Variants in CSMD3 observed in about 807,000 individuals in gnomAD.
CSMD3 encodes CUB and Sushi multiple domains 3, also known as CUB and sushi domain-containing protein 3.
A neutral mutation model predicts 435.2 loss-of-function variants in CSMD3; 177 were observed. The ratio of observed to expected loss-of-function variants is 0.41; its 90% CI spans 0.36 to 0.46. The LOEUF (loss-of-function observed/expected upper bound fraction) is 0.46, where lower values mean the gene tolerates loss of function less well. Ranked by LOEUF, CSMD3 falls within the 20% of genes least tolerant of loss-of-function variation. The pLI, the probability that CSMD3 is intolerant of heterozygous loss-of-function variation, is 0.34. For synonymous variants in CSMD3, 1,656 were observed against 1,520.5 expected (o/e 1.09, Z -2.07); for missense variants, 4,265 against 4,504.6 (o/e 0.95, Z 1.52).
intron 37 of CSMD3, among the ~76,000 whole-genome samples, chr8:112,380,748 A>G (rs1411032380): frequency 6.6e-6 from 1 of 152,212 alleles, no homozygotes; most frequent in Non-Finnish European, 1.5e-5. Flanking sequence ...TTCACCAAAA[A>G]TAAATGTTGA....
intron 13 of CSMD3, among the ~76,000 whole-genome samples, chr8:112,709,022 T>G (rs1355006998): frequency 6.6e-6 from 1 of 152,088 alleles, no homozygotes; most frequent in African/African-American, 2.4e-5. Context: ...CAAAGACAAG[T>G]GATGGTGGCT....
In CSMD3 at chr8:113,073,041, A is replaced by AC. The variant is rs397756773; in HGVS notation, c.917+25714_917+25715insG. Among the ~76,000 whole-genome samples the AC allele has an allele frequency of 1.8e-3, 280 of 151,612 alleles. 1 individual carries two copies. Among genetic ancestry groups the AC allele is most frequent in the African/African-American group, 6.4e-3 (264 of 41,392 alleles). ...AGGAAAAAAACCTTCAGAAAAAAAA[A>AC]TGCATTACTAAATATATCAAATTCA... On this transcript the variant is annotated intron_variant, in intron 5 of 70. Transcript: ENST00000297405.
intron 1 of CSMD3, among the ~76,000 whole-genome samples, chr8:113,416,356 A>G (rs74491515): frequency 0.018 from 2,752 of 152,232 alleles, 95 homozygotes; most frequent in African/African-American, 0.061. Flanking sequence ...CTTGCTTGCC[A>G]ATAACATTAC....
intron 53 of CSMD3, among the ~76,000 whole-genome samples, chr8:112,300,755 ATG>A (rs1489025365): frequency 1.3e-5 from 2 of 152,176 alleles, no homozygotes; most frequent in African/African-American, 4.8e-5. Flanking sequence ...CTATTAACAA[ATG>A]TGCCTGAGAA....
At position 113,102,797 on chromosome 8, in the gene CSMD3, T is replaced by C. The variant is rs924845250; in HGVS notation, c.710-3834A>G. Among the ~76,000 whole-genome samples, 4 of 152,252 alleles carry C rather than the reference T, an allele frequency of 2.6e-5. No homozygotes were observed. The South Asian group carries it at 8.3e-4, about 32-fold the overall frequency. ...TACCAAATCCAATTGGAAGGGCAACTAAGGGTCAGACCTTGCAGGACATTT... is the reference window on the plus strand; with the variant it reads ...TACCAAATCCAATTGGAAGGGCAACCAAGGGTCAGACCTTGCAGGACATTT... On this transcript the variant is annotated intron_variant, in intron 4 of 70. Transcript: ENST00000297405.
chr8:113,104,347 G>A (rs1335053003), intron 4 of CSMD3, among the ~76,000 whole-genome samples: 1 of 152,050 alleles, frequency 6.6e-6, no homozygotes. Context: ...TGACATCTAT[G>A]TGAGGCTTTT....
intron 1 of CSMD3, among the ~76,000 whole-genome samples, chr8:113,340,092 ATG>A (rs2094107876): frequency 6.6e-6 from 1 of 151,948 alleles, no homozygotes; most frequent in African/African-American, 2.4e-5. Context: ...TATATGTGTT[ATG>A]TGTTTGTTCC....
At chr8:112,955,003 G>C (rs559928493) in intron 7 of CSMD3, among the ~76,000 whole-genome samples, 1 of 151,370 alleles carries the variant, frequency 6.6e-6, no homozygotes, top group African/African-American at 2.4e-5. Context: ...AGTTTTTTAA[G>C]CTGTGCTTTT....
At chr8:113,200,893 C>A (rs984540926) in intron 3 of CSMD3, among the ~76,000 whole-genome samples, 3 of 151,686 alleles carry the variant, frequency 2.0e-5, no homozygotes, top group African/African-American at 7.3e-5. Context: ...ACTATTTGTT[C>A]ATTAATGGTT....
intron 17 of CSMD3, among the ~76,000 whole-genome samples, chr8:112,662,790 T>G (rs908261359): frequency 1.3e-5 from 2 of 152,160 alleles, no homozygotes; most frequent in African/African-American, 4.8e-5. Context: ...AAAGGGTTAA[T>G]ATCCAGAATC....
intron 6 of CSMD3, among the ~76,000 whole-genome samples, chr8:113,003,627 G>A (rs182753331): frequency 6.6e-6 from 1 of 152,154 alleles, no homozygotes; most frequent in Admixed American, 6.6e-5. Context: ...TTTTGAGGGA[G>A]GCAGAGGAAC....
At chr8:112,945,581 C>T (rs950987069) in intron 9 of CSMD3, among the ~76,000 whole-genome samples, 1 of 124,444 alleles carries the variant, frequency 8.0e-6, no homozygotes, top group Non-Finnish European at 1.7e-5. Flanking sequence ...TAAGAGAATA[C>T]AGAAATATGT....
chr8:112,537,054 G>T (rs545079626), intron 27 of CSMD3, among the ~76,000 whole-genome samples: 1 of 151,990 alleles, frequency 6.6e-6, no homozygotes, highest in East Asian at 1.9e-4. Flanking sequence ...AGCATTAGGA[G>T]ATATACCTAA....
chr8:112,542,119 C>T (rs1448277298), intron 27 of CSMD3, among the ~76,000 whole-genome samples: 1 of 150,436 alleles, frequency 6.6e-6, no homozygotes, highest in Non-Finnish European at 1.5e-5. Flanking sequence ...AAAAAAAATC[C>T]TCAATATATT....
At chr8:112,346,364 A>G (rs1365658902) in intron 40 of CSMD3, 151 bp from the exon 41 acceptor site, 3 of 663,746 alleles carry the variant, frequency 4.5e-6, no homozygotes, top group Non-Finnish European at 8.2e-6. Flanking sequence ...TACACTAGGA[A>G]TTAAATATAA....
chr8:113,326,531 T>A (rs959298980), intron 1 of CSMD3, among the ~76,000 whole-genome samples: 1 of 152,040 alleles, frequency 6.6e-6, no homozygotes, highest in Non-Finnish European at 1.5e-5. Flanking sequence ...GAACATATAT[T>A]ATTTTATTAA....
chr8:113,076,578 G>A (rs1208858050), intron 5 of CSMD3, among the ~76,000 whole-genome samples: 1 of 151,972 alleles, frequency 6.6e-6, no homozygotes, highest in African/African-American at 2.4e-5. Context: ...AGATTACCCA[G>A]TAATTTAGAC....
Position 112,390,658 on chromosome 8 carries a change from T to A in CSMD3, c.5934+6A>T. The A allele has an allele frequency of 6.2e-7, 1 of 1,611,328 alleles. No homozygotes were observed. Among genetic ancestry groups the A allele is most frequent in the Non-Finnish European group, 8.5e-7 (1 of 1,177,504 alleles). On this transcript the variant is annotated splice_donor_region_variant and intron_variant, in intron 36 of 70. Transcript: ENST00000297405. ...ATGAAAAGAAGAAAAACTTAAATAT[T>A]CTTACTTGAATGCCAGCTCCCTCTG...
chr8:112,996,184 T>C (rs1403542609), intron 6 of CSMD3, among the ~76,000 whole-genome samples: 1 of 151,434 alleles, frequency 6.6e-6, no homozygotes, highest in Non-Finnish European at 1.5e-5. Context: ...GTCATTATGT[T>C]GTATAATACA....
Sources: gnomAD v4.1 joint callset for allele counts (sites outside exome capture counted in the v4.1 genomes callset) on GRCh38, gnomAD v4.1.1 for gene constraint, MANE v1.5 for transcripts, NCBI Gene and HGNC (gene_info 2026-07-23, HGNC 2026-07-21) for gene names.